THADA: variants seen among roughly 807,000 people sequenced by gnomAD.
THADA encodes THADA armadillo repeat containing.
THADA carries 213 observed loss-of-function variants against 219.8 expected under a neutral mutation model. The ratio of observed to expected loss-of-function variants is 0.97; its 90% CI spans 0.87 to 1.09. The LOEUF is 1.09. THADA is among the 50% of genes least tolerant of loss of function. THADA has a pLI of 0.00. For missense variants in THADA, 2,956 were observed against 2,311.3 expected, an observed-to-expected ratio of 1.28 and a Z score of -5.72; for synonymous variants, 1,018 against 828.9, an observed-to-expected ratio of 1.23 and a Z score of -3.92.
intron 31 of THADA, among the ~76,000 whole-genome samples, chr2:43,293,761 T>G (rs1304645043): frequency 6.6e-6 from 1 of 152,228 alleles, no homozygotes; most frequent in African/African-American, 2.4e-5. Flanking sequence ...TTGATTACAA[T>G]TCTTGTGTCC....
chr2:43,406,692 A>G (rs891814915), intron 28 of THADA, among the ~76,000 whole-genome samples: 1 of 152,240 alleles, frequency 6.6e-6, no homozygotes, highest in Non-Finnish European at 1.5e-5. Flanking sequence ...AAGTAAAAAT[A>G]ACCACTACAC....
chr2:43,452,899 A>T (rs1449652471), intron 26 of THADA, among the ~76,000 whole-genome samples: 2 of 152,142 alleles, frequency 1.3e-5, no homozygotes, highest in African/African-American at 4.8e-5. Context: ...AATATACTAG[A>T]ATATCCCTTA....
intron 36 of THADA, among the ~76,000 whole-genome samples, chr2:43,243,482 C>G (rs1327510965): frequency 1.3e-5 from 2 of 152,172 alleles, no homozygotes; most frequent in Non-Finnish European, 2.9e-5. Flanking sequence ...CAACCGCAAA[C>G]AGTCCCTTCG....
rs529847339 is a variant in THADA, at chr2:43,460,326, G to A, written c.3836+24908C>T. 7.4e-5 allele frequency among the ~76,000 whole-genome samples: 11 copies of A among 148,806 alleles called. No homozygotes were observed. The South Asian group carries it at 2.4e-3, about 32-fold the overall frequency. Reference sequence around the variant, plus strand: ...CACTTCCACATGGGTCAGCCAGTCAGCATAAGAAAGAGTTGGCAGTACCCA... The same window carrying A: ...CACTTCCACATGGGTCAGCCAGTCAACATAAGAAAGAGTTGGCAGTACCCA... On this transcript the variant is annotated intron_variant, in intron 26 of 37. Transcript: ENST00000405975.
chr2:43,291,482 A>AAAAAAAAAAAAAAAAG (rs1674711254), intron 34 of THADA, among the ~76,000 whole-genome samples: 1 of 142,204 alleles, frequency 7.0e-6, no homozygotes, highest in Non-Finnish European at 1.5e-5. Flanking sequence ...AAAAAAAAAA[A>AAAAAAAAAAAAAAAAG]TCCTAAAACA....
intron 22 of THADA, among the ~76,000 whole-genome samples, chr2:43,514,701 A>T (rs1418002950): frequency 1.2e-5 from 1 of 80,394 alleles, no homozygotes; most frequent in Non-Finnish European, 2.1e-5. Flanking sequence ...TAATATATAT[A>T]ATATATATAT....
chr2:43,511,885 T>C (rs570800594), intron 22 of THADA, among the ~76,000 whole-genome samples: 9 of 152,308 alleles, frequency 5.9e-5, no homozygotes, highest in South Asian at 4.1e-4. Context: ...GTAGGTCGAA[T>C]GGTGGAAGGT....
At chr2:43,252,337 A>G (rs1369372851) in intron 36 of THADA, among the ~76,000 whole-genome samples, 1 of 152,240 alleles carries the variant, frequency 6.6e-6, no homozygotes, top group African/African-American at 2.4e-5. Context: ...AAGTTTTATC[A>G]TCACTTTGAA....
At chr2:43,244,260 C>T (rs1279402017) in intron 36 of THADA, among the ~76,000 whole-genome samples, 4 of 152,138 alleles carry the variant, frequency 2.6e-5, no homozygotes, top group Non-Finnish European at 5.9e-5. Flanking sequence ...TAAATTATAG[C>T]CAGTTAACAG....
intron 36 of THADA, among the ~76,000 whole-genome samples, chr2:43,238,142 AAAAAAAAAAAG>A (rs1240421591): frequency 1.6e-4 from 23 of 148,284 alleles, no homozygotes; most frequent in African/African-American, 5.7e-4. Flanking sequence ...AAAAAAAAAA[AAAAAAAAAAAG>A]GAAGGAAAGA....
intron 35 of THADA, among the ~76,000 whole-genome samples, chr2:43,280,945 C>G (rs1360722196): frequency 1.3e-5 from 2 of 152,226 alleles, no homozygotes; most frequent in South Asian, 2.1e-4. Flanking sequence ...GTAACTGACA[C>G]AGAATTCATG....
At chr2:43,492,090 A>T (rs1687704652) in intron 25 of THADA, 1 of 152,264 alleles carries the variant, frequency 6.6e-6, no homozygotes, top group African/African-American at 2.4e-5. Context: ...AGGCAGATGG[A>T]TTGCTTGAGG....
chr2:43,353,304 A>G (rs1223162631), intron 29 of THADA, among the ~76,000 whole-genome samples: 1 of 152,006 alleles, frequency 6.6e-6, no homozygotes, highest in Admixed American at 6.6e-5. Context: ...CACAGGATGC[A>G]AGGGTTCCCT....
At chr2:43,554,931 T>C (rs1441169216) in intron 17 of THADA, among the ~76,000 whole-genome samples, 1 of 152,166 alleles carries the variant, frequency 6.6e-6, no homozygotes, top group Non-Finnish European at 1.5e-5. Flanking sequence ...ACACCCCAAA[T>C]GTGAAAATCC....
intron 21 of THADA, among the ~76,000 whole-genome samples, chr2:43,529,571 T>G (rs540394986): frequency 6.6e-6 from 1 of 152,222 alleles, no homozygotes; most frequent in Non-Finnish European, 1.5e-5. Context: ...AGGTTTTGAA[T>G]AGAATTAACT....
intron 36 of THADA, among the ~76,000 whole-genome samples, chr2:43,264,554 G>A (rs1419858662): frequency 6.6e-6 from 1 of 152,004 alleles, no homozygotes; most frequent in Non-Finnish European, 1.5e-5. Context: ...CAAAGTGCTG[G>A]GATTACAGGC....
At chr2:43,429,808 T>C (rs895173801) in intron 27 of THADA, among the ~76,000 whole-genome samples, 20 of 151,886 alleles carry the variant, frequency 1.3e-4, no homozygotes, top group Non-Finnish European at 2.8e-4. Context: ...ACAAATTTAC[T>C]ACAGAGAACC....
intron 17 of THADA, 47 bp downstream of exon 17, chr2:43,556,298 C>G: frequency 1.9e-6 from 3 of 1,596,048 alleles, no homozygotes; most frequent in Non-Finnish European, 8.5e-7. Context: ...CAAATGAATA[C>G]TGAGACTAAG....
rs115438333 is a variant in THADA at position 43,488,665 on chromosome 2, A to G, written c.3745-3340T>C. On this transcript the variant is annotated intron_variant, in intron 25 of 37. Coordinates refer to ENST00000405975, the MANE Select transcript of THADA (RefSeq NM_022065.5). ...TATTCATGTACAAGTTTTTGTGTGA[A>G]CATGTTTTCATTTCTCATGACTATA... Among the ~76,000 whole-genome samples, 636 of 152,314 alleles carry G rather than the reference A, an allele frequency of 4.2e-3. 7 individuals are homozygous for G. The highest frequency in any genetic ancestry group is 0.015 in the African/African-American group (607 of 41,564).
Sources: allele counts gnomAD v4.1 joint callset (sites outside exome capture counted in the v4.1 genomes callset), GRCh38; gene constraint gnomAD v4.1.1; transcripts MANE v1.5; gene names NCBI Gene and HGNC (gene_info 2026-07-23, HGNC 2026-07-21).